Variants in KCNIP4 observed in about 807,000 individuals in gnomAD.
The protein encoded by KCNIP4 is potassium voltage-gated channel interacting protein 4, also known as Kv channel-interacting protein 4.
KCNIP4 carries 12 observed loss-of-function variants against 34.0 expected under a neutral mutation model. The observed-to-expected ratio is 0.35, with a 90% confidence interval of 0.23 to 0.57. The LOEUF is 0.57. KCNIP4 is among the 20% of genes least tolerant of loss of function. The probability of loss-of-function intolerance (pLI) is 0.83; values close to 1 mark genes in which losing one functional copy is unlikely to be tolerated. For missense variants in KCNIP4, 238 were observed against 311.7 expected (o/e 0.76, Z 1.78); for synonymous variants, 124 against 102.2 (o/e 1.21, Z -1.29).
At chr4:21,584,903 C>CCAAG (rs1321146563) in intron 1 of KCNIP4, among the ~76,000 whole-genome samples, 1 of 152,024 alleles carries the variant, frequency 6.6e-6, no homozygotes, top group East Asian at 1.9e-4. Context: ...GTAATCCTCT[C>CCAAG]CAAGCAAGTG....
At position 20,734,793 on chromosome 4, in the gene KCNIP4, A is replaced by C. The variant is rs200346689; in HGVS notation, c.430-58T>G. ...CATTTTTAAAAAAACAAAAACAAAA[A>C]AAACAAATGATGTAAGTAAGGGCTA... On this transcript the variant is annotated intron_variant, in intron 5 of 8. Coordinates refer to ENST00000382152, the MANE Select transcript of KCNIP4 (RefSeq NM_025221.6). The C allele has an allele frequency of 5.2e-3, 5,105 of 981,862 alleles. 29 individuals carry two copies. Among genetic ancestry groups the C allele is most frequent in the Middle Eastern group, 0.016 (73 of 4,496 alleles). 60.8% of individuals were successfully genotyped at this position (981,862 alleles called of 1,614,324 possible).
intron 1 of KCNIP4, among the ~76,000 whole-genome samples, chr4:21,651,295 G>A (rs1208631964): frequency 6.6e-6 from 1 of 152,140 alleles, no homozygotes; most frequent in East Asian, 1.9e-4. Flanking sequence ...CTGAGGCAAG[G>A]CAAGTAAGCT....
chr4:21,021,859 C>A (rs202044376), intron 1 of KCNIP4, among the ~76,000 whole-genome samples: 188 of 145,928 alleles, frequency 1.3e-3, no homozygotes, highest in Middle Eastern at 3.5e-3. Context: ...AGTATAGTAT[C>A]GTATAGTATA....
At chr4:20,976,144 T>C (rs1735470336) in intron 1 of KCNIP4, among the ~76,000 whole-genome samples, 1 of 152,186 alleles carries the variant, frequency 6.6e-6, no homozygotes, top group Non-Finnish European at 1.5e-5. Flanking sequence ...TTCCAACTTA[T>C]TACCTAACTC....
At chr4:21,684,219 A>G (rs1750638166) in intron 1 of KCNIP4, among the ~76,000 whole-genome samples, 1 of 152,210 alleles carries the variant, frequency 6.6e-6, no homozygotes, top group Admixed American at 6.5e-5. Context: ...AGCAGCATGT[A>G]CCTGAATTCT....
intron 1 of KCNIP4, among the ~76,000 whole-genome samples, chr4:21,773,372 C>T (rs138131900): frequency 1.1e-3 from 163 of 152,274 alleles, no homozygotes; most frequent in African/African-American, 3.7e-3. Flanking sequence ...CCATGTGGCA[C>T]TGAGAAGAAT....
chr4:20,998,362 C>G (rs6448008), intron 1 of KCNIP4, among the ~76,000 whole-genome samples: 73,186 of 151,956 alleles, frequency 0.48, 19,061 homozygotes, highest in African/African-American at 0.68. Context: ...TGTACAGGGG[C>G]CATTTCTATG....
chr4:21,880,544 AT>A (rs1726402832), intron 1 of KCNIP4, among the ~76,000 whole-genome samples: 1 of 152,134 alleles, frequency 6.6e-6, no homozygotes, highest in Admixed American at 6.5e-5. Flanking sequence ...TTTGATCTTT[AT>A]TAGTCATAGT....
At chr4:21,670,770 C>T (rs1170993862) in intron 1 of KCNIP4, among the ~76,000 whole-genome samples, 2 of 152,038 alleles carry the variant, frequency 1.3e-5, no homozygotes, top group African/African-American at 2.4e-5. Context: ...ATTCTCCTGC[C>T]TCAGCCTCCC....
chr4:21,832,680 G>A (rs4431214), intron 1 of KCNIP4, among the ~76,000 whole-genome samples: 7,218 of 146,720 alleles, frequency 0.049, 683 homozygotes, highest in African/African-American at 0.18. Flanking sequence ...ATGCTGGTGC[G>A]CTGCACCCAC....
intron 1 of KCNIP4, among the ~76,000 whole-genome samples, chr4:21,929,322 A>G (rs534235692): frequency 6.6e-6 from 1 of 152,184 alleles, no homozygotes; most frequent in South Asian, 2.1e-4. Flanking sequence ...TATTTTATGG[A>G]AAAAAAGGCT....
rs76293147 is a variant in KCNIP4 at position 21,772,609 on chromosome 4, T to A, written c.61+175962A>T. On this transcript the variant is annotated intron_variant, in intron 1 of 8. Coordinates refer to ENST00000382152, the MANE Select transcript of KCNIP4 (RefSeq NM_025221.6). ...TTACCGCCTCAATTTTAGAGCTTTT[T>A]GTCTCTTCAGGGATTCAACTGCTTC... Among the ~76,000 whole-genome samples, 1,333 of 151,678 alleles carry A rather than the reference T, an allele frequency of 8.8e-3. 20 individuals carry two copies. The highest frequency in any genetic ancestry group is 0.039 in the South Asian group (186 of 4,820).
At chr4:20,774,608 C>T (rs1340782087) in intron 3 of KCNIP4, among the ~76,000 whole-genome samples, 1 of 152,154 alleles carries the variant, frequency 6.6e-6, no homozygotes, top group African/African-American at 2.4e-5. Flanking sequence ...GTGTAAATAA[C>T]CATTCAGTTA....
chr4:21,009,389 T>C (rs1385612329), intron 1 of KCNIP4, among the ~76,000 whole-genome samples: 1 of 152,228 alleles, frequency 6.6e-6, no homozygotes, highest in African/African-American at 2.4e-5. Context: ...AATTATGAAA[T>C]TGAATTCTCC....
At chr4:21,210,008 C>T (rs759991390) in intron 1 of KCNIP4, among the ~76,000 whole-genome samples, 4 of 152,110 alleles carry the variant, frequency 2.6e-5, no homozygotes, top group South Asian at 4.1e-4. Flanking sequence ...TCCTGTCAAA[C>T]GGTTATTTAA....
chr4:21,676,421 C>A (rs1216234266), intron 1 of KCNIP4, among the ~76,000 whole-genome samples: 1 of 152,026 alleles, frequency 6.6e-6, no homozygotes, highest in Non-Finnish European at 1.5e-5. Context: ...GTGAAGGTAC[C>A]CAATTGCCTC....
intron 1 of KCNIP4, among the ~76,000 whole-genome samples, chr4:21,281,394 C>T (rs1459002770): frequency 6.6e-6 from 1 of 152,066 alleles, no homozygotes; most frequent in African/African-American, 2.4e-5. Flanking sequence ...AGCCAAAAAA[C>T]AGCTACTCCT....
chr4:21,212,490 C>A (rs1279760185), intron 1 of KCNIP4, among the ~76,000 whole-genome samples: 1 of 152,114 alleles, frequency 6.6e-6, no homozygotes, highest in Non-Finnish European at 1.5e-5. Context: ...TCGTCAGTCC[C>A]AAAAGGGTAA....
chr4:21,880,604 ATGT>A (rs899226217), intron 1 of KCNIP4, among the ~76,000 whole-genome samples: 2 of 152,202 alleles, frequency 1.3e-5, no homozygotes, highest in African/African-American at 4.8e-5. Flanking sequence ...TTTCAACATA[ATGT>A]TGTTATTCTG....
Sources: allele counts gnomAD v4.1 joint callset (sites outside exome capture counted in the v4.1 genomes callset), GRCh38; gene constraint gnomAD v4.1.1; transcripts MANE v1.5; gene names NCBI Gene and HGNC (gene_info 2026-07-23, HGNC 2026-07-21).